Variants in DPY19L4 observed in about 807,000 individuals in gnomAD.
DPY19L4 encodes the protein probable C-mannosyltransferase DPY19L4.
A neutral mutation model predicts 102.8 loss-of-function variants in DPY19L4; 97 were observed. The ratio of observed to expected loss-of-function variants is 0.94; its 90% CI spans 0.80 to 1.12. The LOEUF is 1.12. Ranked by LOEUF, DPY19L4 falls within the 50% of genes most tolerant of loss-of-function variation. The pLI, the probability that DPY19L4 is intolerant of heterozygous loss-of-function variation, is 0.00. For synonymous variants in DPY19L4, 252 were observed against 283.1 expected, an observed-to-expected ratio of 0.89 and a Z score of 1.10; for missense variants, 815 against 850.4, an observed-to-expected ratio of 0.96 and a Z score of 0.52.
At chr8:94,726,871 C>T (rs1041903083) in intron 2 of DPY19L4, among the ~76,000 whole-genome samples, 3 of 152,094 alleles carry the variant, frequency 2.0e-5, no homozygotes, top group East Asian at 1.9e-4. Flanking sequence ...TTCCAGGTCA[C>T]ATGGTAGTGG....
intron 17 of DPY19L4, among the ~76,000 whole-genome samples, chr8:94,785,243 A>T (rs1002743853): frequency 1.3e-5 from 2 of 152,168 alleles, no homozygotes; most frequent in African/African-American, 4.8e-5. Context: ...AACACAGTAA[A>T]ATTTTAAAGT....
At chr8:94,777,868 G>C (rs1333921787) in intron 14 of DPY19L4, 82 bp downstream of exon 14, 1 of 1,421,360 alleles carries the variant, frequency 7.0e-7, no homozygotes, top group African/African-American at 1.4e-5. Flanking sequence ...GAATACAATT[G>C]AAATAGCATG....
At position 94,783,546 on chromosome 8, in the gene DPY19L4, A is replaced by T. The variant is rs1813523749; in HGVS notation, c.1716-124A>T. ...AATCCATGAATGAAATGAAATGAAA[A>T]CTGGCATTGAAACTGAAATGTGTAA... On this transcript the variant is annotated intron_variant, in intron 16 of 18. Transcript: ENST00000414645. 2.3e-6 allele frequency: 3 copies of T among 1,306,920 alleles called. No individual in the cohort carries two copies. The African/African-American group carries it at 4.5e-5, about 20-fold the overall frequency. 81.0% of individuals were successfully genotyped at this position (1,306,920 alleles called of 1,614,324 possible).
chr8:94,788,668 C>A (rs56787811), intron 18 of DPY19L4, among the ~76,000 whole-genome samples: 10,255 of 152,184 alleles, frequency 0.067, 784 homozygotes, highest in African/African-American at 0.19. Flanking sequence ...TCTTCCCCCC[C>A]AGCCCCCATG....
rs1341903713 is a variant in DPY19L4 at position 94,738,431 on chromosome 8, T to A, written c.315T>A (p.Asp105Glu). ...DSAIYYSYYK[D>E]MLKAPSFERG... Reference sequence around the variant, plus strand: ...CCATTTATTACTCCTATTATAAAGATATGTTAAAGGCACCTTCATTTGAAA... The same window carrying A: ...CCATTTATTACTCCTATTATAAAGAAATGTTAAAGGCACCTTCATTTGAAA... The change falls in exon 4 of 19, where the codon GAT becomes GAA. Residue 105 changes from aspartate to glutamate, a missense_variant. Coordinates refer to ENST00000414645, the MANE Select transcript of DPY19L4 (RefSeq NM_181787.3). The A allele has an allele frequency of 1.3e-6, 2 of 1,562,558 alleles. No individual in the cohort carries two copies. Among genetic ancestry groups the A allele is most frequent in the Middle Eastern group, 1.7e-4 (1 of 5,858 alleles).
At chr8:94,733,171 G>T (rs1247062527) in intron 2 of DPY19L4, among the ~76,000 whole-genome samples, 1 of 137,748 alleles carries the variant, frequency 7.3e-6, no homozygotes, top group Non-Finnish European at 1.5e-5. Flanking sequence ...TGTCGCCCAG[G>T]CTGGAGCGCA....
At chr8:94,743,550 A>G (rs76914483) in intron 6 of DPY19L4, among the ~76,000 whole-genome samples, 4,268 of 151,916 alleles carry the variant, frequency 0.028, 192 homozygotes, top group African/African-American at 0.095. Context: ...AAGCTGAGGC[A>G]GGAGGATCAC....
At position 94,734,728 on chromosome 8, in the gene DPY19L4, C is replaced by A. The variant is rs764314300; in HGVS notation, c.226C>A (p.Arg76=). 6.2e-7 allele frequency: 1 copy of A among 1,613,466 alleles called. No individual in the cohort carries two copies. The highest frequency in any genetic ancestry group is 2.2e-5 in the East Asian group (1 of 44,842). ...TCTCTACTTATCAGCATACCATGAA[C>A]GGAAATTCTGGTTTTCCAACAGGCA... The part of the protein sequence containing the change: ...YALYLSAYHE[R]KFWFSNRQEL... The change falls in exon 3 of 19, where the codon CGG becomes AGG. Residue 76 remains arginine, a synonymous_variant. Transcript: ENST00000414645.
chr8:94,744,296 T>TGTAA, intron 6 of DPY19L4: 1 of 454,164 alleles, frequency 2.2e-6, no homozygotes, highest in South Asian at 1.6e-5. Flanking sequence ...CCTTACTGGC[T>TGTAA]TTTGGCCAGG....
At chr8:94,776,009 G>T (rs745796447) in intron 13 of DPY19L4, among the ~76,000 whole-genome samples, 76 of 141,856 alleles carry the variant, frequency 5.4e-4, no homozygotes, top group Non-Finnish European at 9.0e-4. Context: ...TTTAATTTAA[G>T]AGTTCAATTT....
intron 10 of DPY19L4, among the ~76,000 whole-genome samples, 185 bp downstream of exon 10, chr8:94,765,994 G>C (rs1352455012): frequency 6.6e-6 from 1 of 152,128 alleles, no homozygotes; most frequent in African/African-American, 2.4e-5. Context: ...TCTGTATGTA[G>C]TTGAAAAAGG....
intron 18 of DPY19L4, 113 bp downstream of exon 18, chr8:94,788,165 A>T: frequency 2.0e-6 from 1 of 496,954 alleles, no homozygotes; most frequent in Non-Finnish European, 2.9e-6. Context: ...AACTAAGAAT[A>T]TAATTGAGTT....
intron 12 of DPY19L4, among the ~76,000 whole-genome samples, chr8:94,769,621 G>A (rs900564310): frequency 1.3e-5 from 2 of 151,744 alleles, no homozygotes; most frequent in East Asian, 1.9e-4. Flanking sequence ...AGAGGCTGAC[G>A]CAGGAGGATT....
chr8:94,776,193 C>T (rs1813173728), intron 13 of DPY19L4, among the ~76,000 whole-genome samples: 1 of 151,860 alleles, frequency 6.6e-6, no homozygotes, highest in African/African-American at 2.4e-5. Context: ...CCACCATGCC[C>T]AGCTAATTTT....
chr8:94,754,977 C>T (rs777165038), intron 6 of DPY19L4, among the ~76,000 whole-genome samples: 6 of 152,132 alleles, frequency 3.9e-5, no homozygotes, highest in Middle Eastern at 3.4e-3. Context: ...TTAGTAAAGA[C>T]GGGTTTCACC....
chr8:94,781,325 A>T lies in DPY19L4; in HGVS notation c.1715+159A>T, dbSNP rs4545065. 0.89 allele frequency among the ~76,000 whole-genome samples: 135,287 copies of T among 152,242 alleles called. 60,249 individuals carry two copies. Among genetic ancestry groups the T allele is most frequent in the East Asian group, 0.96 (4,977 of 5,190 alleles). On this transcript the variant is annotated intron_variant, in intron 16 of 18. Coordinates refer to ENST00000414645, the MANE Select transcript of DPY19L4 (RefSeq NM_181787.3). Reference sequence around the variant, plus strand: ...TTAGATTTTGGTTGGACTTAGTGATACTAATTTTCCGCTCATCTCCATGGG... The same window carrying T: ...TTAGATTTTGGTTGGACTTAGTGATTCTAATTTTCCGCTCATCTCCATGGG...
Position 94,787,935 on chromosome 8 carries a change from T to C in DPY19L4, c.1890T>C (p.Tyr630=). The change falls in exon 18 of 19, where the codon TAT becomes TAC. Residue 630 remains tyrosine, a synonymous_variant. Transcript: ENST00000414645. ...CAAAGCGATCTGCTGAGGATATTTA[T>C]AAAATACTGACATCTTACAAAGCTA... ...IYSKRSAEDI[Y]KILTSYKANY... 1 of 1,477,922 alleles carries C rather than the reference T, an allele frequency of 6.8e-7. No individual in the cohort carries two copies. The highest frequency in any genetic ancestry group is 9.0e-7 in the Non-Finnish European group (1 of 1,111,564). 91.6% of individuals were successfully genotyped at this position (1,477,922 alleles called of 1,614,324 possible).
Position 94,790,133 on chromosome 8 carries a change from G to T in DPY19L4, c.*223G>T. ...CTACCACTCTGCAATATTCCAGACA[G>T]GTGTCTTCCTTACCGTTACATGGTC... On this transcript the variant is annotated 3_prime_UTR_variant, in exon 19 of 19. Transcript: ENST00000414645. 1 of 377,696 alleles carries T rather than the reference G, an allele frequency of 2.6e-6. No homozygotes were observed. Among genetic ancestry groups the T allele is most frequent in the South Asian group, 5.8e-5 (1 of 17,180 alleles). 23.4% of individuals were successfully genotyped at this position (377,696 alleles called of 1,614,324 possible).
chr8:94,772,911 C>T (rs1470211177), intron 13 of DPY19L4, among the ~76,000 whole-genome samples: 1 of 152,118 alleles, frequency 6.6e-6, no homozygotes, highest in Non-Finnish European at 1.5e-5. Context: ...GAATAAATTT[C>T]ATAAAAGGCA....
Sources: gnomAD v4.1 joint callset for allele counts (sites outside exome capture counted in the v4.1 genomes callset) on GRCh38, gnomAD v4.1.1 for gene constraint, MANE v1.5 for transcripts, NCBI Gene and HGNC (gene_info 2026-07-23, HGNC 2026-07-21) for gene names.